ASIC2: variants seen among roughly 807,000 people sequenced by gnomAD.
The protein encoded by ASIC2 is acid sensing ion channel subunit 2.
ASIC2 carries 25 observed loss-of-function variants against 57.3 expected under a neutral mutation model. That is an observed-to-expected ratio of 0.44 (90% CI 0.32 to 0.61). ASIC2 has a LOEUF of 0.61. Ranked by LOEUF, ASIC2 falls within the 20% of genes least tolerant of loss-of-function variation. ASIC2 has a pLI of 0.06. For synonymous variants in ASIC2, 319 were observed against 307.5 expected (o/e 1.04, Z -0.39); for missense variants, 641 against 738.1 (o/e 0.87, Z 1.52).
chr17:33,123,558 C>G (rs757054396), intron 1 of ASIC2, among the ~76,000 whole-genome samples: 47 of 152,106 alleles, frequency 3.1e-4, no homozygotes, highest in Admixed American at 2.6e-3. Flanking sequence ...CTGCTGCATG[C>G]TGAATTTACG....
At chr17:33,892,390 T>C (rs1434553038) in intron 1 of ASIC2, among the ~76,000 whole-genome samples, 1 of 152,222 alleles carries the variant, frequency 6.6e-6, no homozygotes, top group Admixed American at 6.5e-5. Context: ...ACAGAGTAGA[T>C]AGCAAGTGCA....
rs142316822 is a variant in ASIC2, at chr17:34,112,307, A to G, written c.555+43671T>C. ...GCAAGTTAAATACATTAGAGTACCA[A>G]CAAATACTGAACTCATCATAATAAA... On this transcript the variant is annotated intron_variant, in intron 1 of 9. Transcript: ENST00000359872. Among the ~76,000 whole-genome samples, 54 of 152,304 alleles carry G rather than the reference A, an allele frequency of 3.5e-4. No individual in the cohort carries two copies. The East Asian group carries it at 6.2e-3, about 17-fold the overall frequency.
At chr17:33,833,748 A>G (rs750037634) in intron 1 of ASIC2, among the ~76,000 whole-genome samples, 1 of 152,198 alleles carries the variant, frequency 6.6e-6, no homozygotes, top group Non-Finnish European at 1.5e-5. Flanking sequence ...TCACAGACTT[A>G]TTGCTGGTTT....
intron 1 of ASIC2, among the ~76,000 whole-genome samples, chr17:34,021,133 G>T (rs1409661051): frequency 6.6e-6 from 1 of 152,022 alleles, no homozygotes; most frequent in Non-Finnish European, 1.5e-5. Flanking sequence ...TACACATTGG[G>T]TACTGTGTAC....
At chr17:34,002,981 T>G (rs1187522641) in intron 1 of ASIC2, 1 of 152,202 alleles carries the variant, frequency 6.6e-6, no homozygotes, top group Non-Finnish European at 1.5e-5. Context: ...AATAGCAGAA[T>G]AAAAAGGAAT....
intron 1 of ASIC2, among the ~76,000 whole-genome samples, chr17:33,470,006 G>T (rs1465425205): frequency 4.8e-5 from 7 of 146,774 alleles, no homozygotes; most frequent in African/African-American, 1.7e-4. Flanking sequence ...TGCACAACCA[G>T]TAATAATGCA....
chr17:33,550,939 G>A (rs894418408), intron 1 of ASIC2, among the ~76,000 whole-genome samples: 4 of 152,168 alleles, frequency 2.6e-5, no homozygotes, highest in African/African-American at 4.8e-5. Context: ...GAACAAGAAC[G>A]TGAAAAGATA....
At chr17:33,700,417 C>G (rs1908660681) in intron 1 of ASIC2, among the ~76,000 whole-genome samples, 1 of 152,072 alleles carries the variant, frequency 6.6e-6, no homozygotes, top group Non-Finnish European at 1.5e-5. Context: ...TCCAGCAAAG[C>G]AAAATCAAAT....
chr17:33,188,623 A>C (rs895002803), intron 1 of ASIC2, among the ~76,000 whole-genome samples: 4 of 152,190 alleles, frequency 2.6e-5, no homozygotes, highest in African/African-American at 9.6e-5. Flanking sequence ...CAGACGTCTC[A>C]GAAATGAAAG....
intron 1 of ASIC2, among the ~76,000 whole-genome samples, chr17:33,709,569 C>T (rs1908963881): frequency 6.6e-6 from 1 of 152,194 alleles, no homozygotes; most frequent in African/African-American, 2.4e-5. Flanking sequence ...AGCCTCCAGA[C>T]TGAGAAGTAA....
chr17:33,140,343 C>T (rs577411293), intron 1 of ASIC2, among the ~76,000 whole-genome samples: 4 of 152,262 alleles, frequency 2.6e-5, no homozygotes, highest in South Asian at 4.1e-4. Context: ...TTGAGTACAT[C>T]GGAGAAGCAA....
chr17:33,973,533 T>C (rs1489362369), intron 1 of ASIC2, among the ~76,000 whole-genome samples: 1 of 152,150 alleles, frequency 6.6e-6, no homozygotes, highest in Non-Finnish European at 1.5e-5. Flanking sequence ...AGAGTGAAGA[T>C]TGGGTAGGCA....
chr17:33,799,462 CT>C (rs1183410227), intron 1 of ASIC2, among the ~76,000 whole-genome samples: 8 of 119,628 alleles, frequency 6.7e-5, no homozygotes, highest in Non-Finnish European at 1.3e-4. Flanking sequence ...TTCTTTCTTT[CT>C]TTCTTTCTTT....
chr17:33,478,444 T>C (rs567731506), intron 1 of ASIC2, among the ~76,000 whole-genome samples: 25 of 152,386 alleles, frequency 1.6e-4, no homozygotes, highest in South Asian at 1.4e-3. Context: ...AAAAGTCCTA[T>C]GTGCAAACCA....
At chr17:33,159,024 T>A (rs1905089210) in intron 1 of ASIC2, among the ~76,000 whole-genome samples, 1 of 152,222 alleles carries the variant, frequency 6.6e-6, no homozygotes, top group East Asian at 1.9e-4. Flanking sequence ...GCTGAGAGTT[T>A]GAGTTAGTGA....
chr17:34,046,565 A>T (rs1203069019), intron 1 of ASIC2, among the ~76,000 whole-genome samples: 2 of 152,152 alleles, frequency 1.3e-5, no homozygotes, highest in Non-Finnish European at 2.9e-5. Context: ...AACATGGAGG[A>T]GGTAAGATTT....
intron 3 of ASIC2, among the ~76,000 whole-genome samples, chr17:33,065,088 C>A (rs929754396): frequency 1.3e-5 from 2 of 152,022 alleles, no homozygotes; most frequent in Admixed American, 6.5e-5. Flanking sequence ...ACATATCACA[C>A]TTAATAGGCA....
chr17:34,048,820 G>A (rs1050962096), intron 1 of ASIC2, among the ~76,000 whole-genome samples: 8 of 152,194 alleles, frequency 5.3e-5, no homozygotes, highest in African/African-American at 1.7e-4. Flanking sequence ...CTATAGACCA[G>A]CAACATAGTG....
chr17:33,833,595 G>A (rs1474101076), intron 1 of ASIC2, among the ~76,000 whole-genome samples: 1 of 152,020 alleles, frequency 6.6e-6, no homozygotes, highest in Non-Finnish European at 1.5e-5. Context: ...AGAAGGAATT[G>A]TGTATCCCCC....
Sources: allele counts gnomAD v4.1 joint callset (sites outside exome capture counted in the v4.1 genomes callset), GRCh38; gene constraint gnomAD v4.1.1; transcripts MANE v1.5; gene names NCBI Gene and HGNC (gene_info 2026-07-23, HGNC 2026-07-21).